DIAPH2: variants seen among roughly 807,000 people sequenced by gnomAD.
DIAPH2 encodes protein diaphanous homolog 2.
A neutral mutation model predicts 92.7 loss-of-function variants in DIAPH2; 35 were observed. That is an observed-to-expected ratio of 0.38 (90% CI 0.29 to 0.50). DIAPH2 has a LOEUF of 0.50. Among genes scored for constraint, DIAPH2 ranks in the 20% least tolerant of loss-of-function variants. The pLI is 0.94. For synonymous variants in DIAPH2, 301 were observed against 280.4 expected (o/e 1.07, Z -0.73); for missense variants, 701 against 819.5 (o/e 0.86, Z 1.77).
At chrX:97,558,676 CT>C (rs201716463) in intron 26 of DIAPH2, among the ~76,000 whole-genome samples, 7 of 110,066 alleles carry the variant, frequency 6.4e-5, no homozygotes, top group Non-Finnish European at 1.1e-4. Flanking sequence ...AAACATTTCT[CT>C]TTTTTTTTAA....
chrX:97,437,310 T>C (rs181500285), intron 26 of DIAPH2, among the ~76,000 whole-genome samples: 159 of 111,883 alleles, frequency 1.4e-3, no homozygotes, highest in African/African-American at 4.8e-3. Flanking sequence ...TATTGTAATA[T>C]ACAATTAAAA....
intron 26 of DIAPH2, among the ~76,000 whole-genome samples, chrX:97,556,655 A>T (rs745554424): frequency 2.7e-5 from 3 of 111,264 alleles, no homozygotes; most frequent in Non-Finnish European, 5.7e-5. Context: ...TCCCCTAATG[A>T]CACCAGTCAC....
intron 4 of DIAPH2, among the ~76,000 whole-genome samples, chrX:96,874,088 T>G (rs989045325): frequency 2.7e-5 from 3 of 111,722 alleles, no homozygotes; most frequent in African/African-American, 9.7e-5. Flanking sequence ...TGTGACTTGG[T>G]GACCAAGTTG....
chrX:97,236,796 G>A (rs907741525), intron 22 of DIAPH2, among the ~76,000 whole-genome samples: 2 of 110,703 alleles, frequency 1.8e-5, no homozygotes, highest in South Asian at 3.8e-4. Context: ...CACCCGCCTC[G>A]GCCTCCCAAA....
intron 17 of DIAPH2, among the ~76,000 whole-genome samples, chrX:96,997,542 T>C (rs780368279): frequency 8.9e-6 from 1 of 111,915 alleles, no homozygotes; most frequent in Non-Finnish European, 1.9e-5. Context: ...AGATTTTTCA[T>C]TGTAGTATTC....
chrX:96,816,623 TG>T lies in DIAPH2; in HGVS notation c.447+58368del, dbSNP rs768138965. Among the ~76,000 whole-genome samples, 5 of 112,175 alleles carry T rather than the reference TG, an allele frequency of 4.5e-5. No individual in the cohort carries two copies. The South Asian group carries it at 1.9e-3, about 42-fold the overall frequency. ...AAAGGGAACCCTCATGCACTGTTGG[TG>T]GGAATGTAAATCAATACAACCACTA... On this transcript the variant is annotated intron_variant, in intron 4 of 26. Transcript: ENST00000324765.
At chrX:96,986,495 G>T (rs997345667) in intron 17 of DIAPH2, among the ~76,000 whole-genome samples, 1 of 111,501 alleles carries the variant, frequency 9.0e-6, no homozygotes, top group South Asian at 3.7e-4. Flanking sequence ...TTCCATGTAG[G>T]AAGTAACAGA....
intron 17 of DIAPH2, among the ~76,000 whole-genome samples, chrX:97,002,326 C>T (rs900837031): frequency 6.3e-5 from 7 of 110,731 alleles, no homozygotes; most frequent in African/African-American, 2.3e-4. Context: ...GCATCAGTGT[C>T]ATGTGGCCCA....
chrX:96,886,203 T>C, intron 5 of DIAPH2, among the ~76,000 whole-genome samples: 1 of 110,537 alleles, frequency 9.0e-6, no homozygotes, highest in Middle Eastern at 4.7e-3. Flanking sequence ...AATTGACCAT[T>C]AACGAAAGCC....
rs765783704 is a variant in DIAPH2 at position 96,685,019 on chromosome X, A to T, written c.-40A>T. The T allele has an allele frequency of 3.1e-6, 3 of 963,816 alleles. No individual in the cohort carries two copies. Among genetic ancestry groups the T allele is most frequent in the African/African-American group, 4.1e-5 (2 of 48,269 alleles). The allele number at this position is 963,816 out of a possible 1,213,427, so 79.4% of individuals were successfully genotyped here. ...CCGAGGTGCTTTCTCAGTTGAGGAG[A>T]GGTGGGGTTACAGGGCACAGGTGAC... On this transcript the variant is annotated 5_prime_UTR_variant, in exon 1 of 27. Coordinates refer to ENST00000324765, the MANE Select transcript of DIAPH2 (RefSeq NM_006729.5).
chrX:97,437,673 T>C (rs1022076734), intron 26 of DIAPH2, among the ~76,000 whole-genome samples: 1 of 108,296 alleles, frequency 9.2e-6, no homozygotes, highest in Non-Finnish European at 1.9e-5. Context: ...GTGATGGAGA[T>C]ATGAAGGAGT....
At position 96,824,126 on chromosome X, in the gene DIAPH2, G is replaced by A. The variant is rs373178249; in HGVS notation, c.448-57453G>A. Reference sequence around the variant, plus strand: ...TAATTTATTTTCACCACATCTGTAGGGGTCTTTTATTTGTAGATTCTATAG... The same window carrying A: ...TAATTTATTTTCACCACATCTGTAGAGGTCTTTTATTTGTAGATTCTATAG... On this transcript the variant is annotated intron_variant, in intron 4 of 26. Transcript: ENST00000324765. Among the ~76,000 whole-genome samples, 11 of 110,392 alleles carry A rather than the reference G, an allele frequency of 1.0e-4. No individual in the cohort carries two copies. In the East Asian group the frequency reaches 2.8e-3, roughly 28 times the overall value.
chrX:97,217,369 G>A (rs1341163022), intron 22 of DIAPH2, among the ~76,000 whole-genome samples: 2 of 111,420 alleles, frequency 1.8e-5, no homozygotes, highest in East Asian at 2.8e-4. Context: ...AAGCTCACCT[G>A]CTGCAGTAAG....
At chrX:97,310,867 G>T (rs941289393) in intron 23 of DIAPH2, among the ~76,000 whole-genome samples, 2 of 111,288 alleles carry the variant, frequency 1.8e-5, no homozygotes, top group Non-Finnish European at 3.8e-5. Context: ...AAAATTAGCC[G>T]GGCATGGTGG....
chrX:96,912,589 TG>T lies in DIAPH2; in HGVS notation c.732+40del, dbSNP rs771157607. 2.6e-6 allele frequency: 3 copies of T among 1,137,390 alleles called. No homozygotes were observed. The African/African-American group carries it at 5.5e-5, about 21-fold the overall frequency. 93.7% of individuals were successfully genotyped at this position (1,137,390 alleles called of 1,213,427 possible). On this transcript the variant is annotated intron_variant, in intron 7 of 26. Coordinates refer to ENST00000324765, the MANE Select transcript of DIAPH2 (RefSeq NM_006729.5). The stretch of plus-strand genomic sequence containing the variant: ...TTATTTCTGCCCCTGTCACAAAAGG[TG>T]GGAACTTGCCCAACACTATGAAAGT...
chrX:97,576,154 C>T (rs2071398443), intron 26 of DIAPH2, among the ~76,000 whole-genome samples: 1 of 110,959 alleles, frequency 9.0e-6, no homozygotes, highest in Admixed American at 9.6e-5. Flanking sequence ...AGCTATTGAC[C>T]ATGCACGCTT....
At chrX:97,152,637 CAA>C (rs941293662) in intron 22 of DIAPH2, among the ~76,000 whole-genome samples, 61 of 111,836 alleles carry the variant, frequency 5.5e-4, no homozygotes, top group African/African-American at 1.9e-3. Flanking sequence ...GAGAGAGAAA[CAA>C]GAGAGAGTAC....
chrX:97,556,494 C>G (rs1047612141), intron 26 of DIAPH2, among the ~76,000 whole-genome samples: 2 of 111,837 alleles, frequency 1.8e-5, no homozygotes, highest in African/African-American at 6.5e-5. Context: ...CTTCTGAGGG[C>G]GCTGAAGGAG....
intron 4 of DIAPH2, among the ~76,000 whole-genome samples, chrX:96,796,527 T>G (rs998243449): frequency 8.9e-6 from 1 of 111,971 alleles, no homozygotes; most frequent in Non-Finnish European, 1.9e-5. Context: ...TAACTCTTTT[T>G]TTGCCACATT....
Sources: gnomAD v4.1 joint callset for allele counts (sites outside exome capture counted in the v4.1 genomes callset) on GRCh38, gnomAD v4.1.1 for gene constraint, MANE v1.5 for transcripts, NCBI Gene and HGNC (gene_info 2026-07-23, HGNC 2026-07-21) for gene names.